The following MGLL variants were observed in gnomAD, a reference collection of about 807,000 sequenced individuals.
The protein encoded by MGLL is monoglyceride lipase, also known as lysophospholipase homolog.
MGLL carries 7 observed loss-of-function variants against 29.1 expected under a neutral mutation model. That is an observed-to-expected ratio of 0.24 (90% CI 0.14 to 0.45). The LOEUF (loss-of-function observed/expected upper bound fraction) is 0.45, where lower values mean the gene tolerates loss of function less well. MGLL is among the 20% of genes least tolerant of loss of function. MGLL has a pLI of 0.99. For synonymous variants in MGLL, 148 were observed against 168.3 expected (o/e 0.88, Z 0.93); for missense variants, 356 against 413.6 (o/e 0.86, Z 1.21).
intron 3 of MGLL, among the ~76,000 whole-genome samples, chr3:127,733,969 C>A (rs1320300962): frequency 6.6e-6 from 1 of 152,232 alleles, no homozygotes; most frequent in African/African-American, 2.4e-5. Context: ...GCCTCCCAAT[C>A]GTACAGCGTA....
intron 2 of MGLL, among the ~76,000 whole-genome samples, chr3:127,806,958 T>C (rs2077578100): frequency 6.6e-6 from 1 of 152,246 alleles, no homozygotes; most frequent in Non-Finnish European, 1.5e-5. Context: ...TAGTTTTCTT[T>C]TCTTGTGATG....
At chr3:127,822,550 G>C, upstream of MGLL, 1 of 586,430 alleles carries the variant, frequency 1.7e-6, no homozygotes, top group Admixed American at 3.1e-5. Context: ...GGGGAGCGGC[G>C]CTGCGATTCT....
intron 2 of MGLL, chr3:127,783,812 A>G (rs566132958): frequency 6.6e-6 from 1 of 152,298 alleles, no homozygotes; most frequent in South Asian, 2.1e-4. Context: ...GGCTGATGGG[A>G]TTTCTTTCCT....
At chr3:127,735,441 G>A (rs2076225584) in intron 3 of MGLL, among the ~76,000 whole-genome samples, 1 of 152,220 alleles carries the variant, frequency 6.6e-6, no homozygotes, top group Admixed American at 6.5e-5. Context: ...GCTGCACAAA[G>A]CAGCACTGAT....
Position 127,691,863 on chromosome 3 carries a change from A to T in MGLL, c.*335T>A, listed in dbSNP as rs2075251581. The T allele has an allele frequency of 2.9e-6, 1 of 341,488 alleles. No individual in the cohort carries two copies. The highest frequency in any genetic ancestry group is 5.5e-6 in the Non-Finnish European group (1 of 181,158). 21.2% of individuals were successfully genotyped at this position (341,488 alleles called of 1,614,324 possible). A position where few individuals can be genotyped will look rare whatever the true frequency, so the allele number is the denominator to read the frequency against. The stretch of plus-strand genomic sequence containing the variant: ...TATTGCAGTCTGGTGTCCTGGGAAC[A>T]CCAGGAATTCCTGGAACCCTTGTGG... On this transcript the variant is annotated 3_prime_UTR_variant, in exon 8 of 8. Transcript: ENST00000265052.
At chr3:127,746,269 C>A (rs908213488) in intron 3 of MGLL, among the ~76,000 whole-genome samples, 1 of 152,164 alleles carries the variant, frequency 6.6e-6, no homozygotes, top group Non-Finnish European at 1.5e-5. Context: ...AACATGGCAG[C>A]TCTGCACAGC....
At chr3:127,818,271 T>C (rs2107761319) in intron 2 of MGLL, among the ~76,000 whole-genome samples, 1 of 152,362 alleles carries the variant, frequency 6.6e-6, no homozygotes, top group Admixed American at 6.5e-5. Context: ...CCAATATTTT[T>C]AAGTTCCAGC....
chr3:127,796,840 C>T (rs1286807203), intron 2 of MGLL, among the ~76,000 whole-genome samples: 1 of 152,158 alleles, frequency 6.6e-6, no homozygotes, highest in African/African-American at 2.4e-5. Flanking sequence ...TATAAATGTG[C>T]GAAAGCAAAT....
chr3:127,763,437 G>C (rs756988320), intron 3 of MGLL, among the ~76,000 whole-genome samples: 2 of 152,234 alleles, frequency 1.3e-5, no homozygotes, highest in Non-Finnish European at 2.9e-5. Context: ...GTGGTAGCAC[G>C]GGCCCCTCAG....
chr3:127,775,406 C>T (rs966907722), intron 3 of MGLL, among the ~76,000 whole-genome samples: 6 of 152,114 alleles, frequency 3.9e-5, no homozygotes, highest in Non-Finnish European at 5.9e-5. Context: ...TTCCAGCAAG[C>T]GACCTTGACT....
intron 3 of MGLL, among the ~76,000 whole-genome samples, chr3:127,776,725 C>T (rs1177560710): frequency 6.6e-6 from 1 of 152,252 alleles, no homozygotes; most frequent in Non-Finnish European, 1.5e-5. Context: ...CGGCAGTGCC[C>T]TGCTTACGTG....
intron 3 of MGLL, among the ~76,000 whole-genome samples, chr3:127,725,667 C>A (rs189168987): frequency 9.5e-4 from 144 of 152,306 alleles, no homozygotes; most frequent in Middle Eastern, 3.4e-3. Flanking sequence ...CTGAAAAAAA[C>A]ATTCCAATAA....
At chr3:127,730,531 A>C (rs1470224473) in intron 3 of MGLL, among the ~76,000 whole-genome samples, 2 of 152,046 alleles carry the variant, frequency 1.3e-5, no homozygotes, top group African/African-American at 4.8e-5. Flanking sequence ...AAATCCCTTC[A>C]TCCATGGCAT....
chr3:127,759,077 C>G (rs2076715447), intron 3 of MGLL, among the ~76,000 whole-genome samples: 1 of 152,052 alleles, frequency 6.6e-6, no homozygotes, highest in Non-Finnish European at 1.5e-5. Context: ...CAGGTACATG[C>G]CACCAAGCCT....
At chr3:127,719,709 G>T (rs187715210) in intron 5 of MGLL, among the ~76,000 whole-genome samples, 1 of 152,308 alleles carries the variant, frequency 6.6e-6, no homozygotes, top group East Asian at 1.9e-4. Context: ...TGATGAAGAG[G>T]TAGTGCACAT....
At chr3:127,744,282 T>G (rs766362189) in intron 3 of MGLL, among the ~76,000 whole-genome samples, 2 of 152,216 alleles carry the variant, frequency 1.3e-5, no homozygotes, top group Non-Finnish European at 2.9e-5. Flanking sequence ...GGAAACAGAA[T>G]GACAAAAAGT....
At chr3:127,760,920 G>T (rs531387081) in intron 3 of MGLL, among the ~76,000 whole-genome samples, 30 of 152,302 alleles carry the variant, frequency 2.0e-4, no homozygotes, top group African/African-American at 7.0e-4. Context: ...GGGGTGATCC[G>T]TGGAAAAAAT....
rs560248197 is a variant in MGLL, at chr3:127,705,450, G to C, written c.600+5126C>G. Among the ~76,000 whole-genome samples, 4 of 151,972 alleles carry C rather than the reference G, an allele frequency of 2.6e-5. No homozygotes were observed. In the East Asian group the frequency reaches 7.7e-4, roughly 29 times the overall value. On this transcript the variant is annotated intron_variant, in intron 6 of 7. Transcript: ENST00000265052. Reference sequence around the variant, plus strand: ...AAGAAATAGGAAAAAGAAAAGAAATGGGCAAAGGATCTGAACAAACATTTC... The same window carrying C: ...AAGAAATAGGAAAAAGAAAAGAAATCGGCAAAGGATCTGAACAAACATTTC...
chr3:127,800,728 T>C (rs922370690), intron 2 of MGLL, among the ~76,000 whole-genome samples: 4 of 152,244 alleles, frequency 2.6e-5, no homozygotes, highest in African/African-American at 9.6e-5. Flanking sequence ...TTCATTTTCA[T>C]GCAAAAGCCC....
Sources: allele counts gnomAD v4.1 joint callset (sites outside exome capture counted in the v4.1 genomes callset), GRCh38; gene constraint gnomAD v4.1.1; transcripts MANE v1.5; gene names NCBI Gene and HGNC (gene_info 2026-07-23, HGNC 2026-07-21).